The following ONECUT2 variants were observed in gnomAD, a reference collection of about 807,000 sequenced individuals.
ONECUT2 encodes the protein one cut domain family member 2.
In ONECUT2, 10 loss-of-function variants were observed where a neutral mutation model predicts 27.9. The observed-to-expected ratio is 0.36, with a 90% CI of 0.22 to 0.61. The LOEUF (loss-of-function observed/expected upper bound fraction) is 0.61. Among genes scored for constraint, ONECUT2 ranks in the 20% least tolerant of loss-of-function variants. The probability of loss-of-function intolerance (pLI) is 0.73; values close to 1 mark genes in which losing one functional copy is unlikely to be tolerated. For synonymous variants in ONECUT2, 334 were observed against 315.1 expected (o/e 1.06, Z -0.64); for missense variants, 686 against 721.0 (o/e 0.95, Z 0.56).
intron 1 of ONECUT2, among the ~76,000 whole-genome samples, chr18:57,446,512 C>A (rs370287525): frequency 6.6e-6 from 1 of 152,044 alleles, no homozygotes; most frequent in African/African-American, 2.4e-5. Context: ...GGGCTTCCAC[C>A]GCCAGCAGGT....
intron 1 of ONECUT2, among the ~76,000 whole-genome samples, chr18:57,450,372 C>T (rs2050223444): frequency 1.3e-5 from 2 of 152,126 alleles, no homozygotes; most frequent in Non-Finnish European, 2.9e-5. Flanking sequence ...TGGGGTTTCA[C>T]CATGCTGGCC....
intron 1 of ONECUT2, among the ~76,000 whole-genome samples, chr18:57,468,690 C>G (rs1430408745): frequency 6.6e-6 from 1 of 152,182 alleles, no homozygotes; most frequent in East Asian, 1.9e-4. Context: ...AGGCCCCCTG[C>G]TCCCAGGGTC....
chr18:57,438,066 G>C (rs2050153190), intron 1 of ONECUT2, among the ~76,000 whole-genome samples: 1 of 152,226 alleles, frequency 6.6e-6, no homozygotes. Flanking sequence ...ATTGTTCTAG[G>C]AGCACAGAAA....
intron 1 of ONECUT2, among the ~76,000 whole-genome samples, chr18:57,448,790 A>G (rs1368344831): frequency 2.0e-5 from 3 of 152,232 alleles, no homozygotes; most frequent in Non-Finnish European, 4.4e-5. Flanking sequence ...TTGAAAAGAT[A>G]TTTTACAGAA....
At chr18:57,475,637 T>A (rs1362346461) in intron 1 of ONECUT2, among the ~76,000 whole-genome samples, 2 of 152,166 alleles carry the variant, frequency 1.3e-5, no homozygotes, top group African/African-American at 4.8e-5. Flanking sequence ...CTTGACTGCA[T>A]ATGTCAGCCC....
At chr18:57,476,401 C>A (rs760445073) in intron 1 of ONECUT2, 36 bp from the exon 2 acceptor site, 1 of 1,602,110 alleles carries the variant, frequency 6.2e-7, no homozygotes, top group Non-Finnish European at 8.5e-7. Flanking sequence ...TCAGGTGAGC[C>A]CACTGACTCC....
chr18:57,438,396 G>T (rs373373715), intron 1 of ONECUT2, among the ~76,000 whole-genome samples: 4 of 152,218 alleles, frequency 2.6e-5, no homozygotes, highest in African/African-American at 9.6e-5. Flanking sequence ...GTCTTGGGAT[G>T]CGCGCGGTTC....
At chr18:57,450,167 T>A (rs1159942599) in intron 1 of ONECUT2, among the ~76,000 whole-genome samples, 1 of 151,960 alleles carries the variant, frequency 6.6e-6, no homozygotes, top group African/African-American at 2.4e-5. Context: ...CAAAAGGGGG[T>A]ATTCTTTTCT....
chr18:57,447,591 T>C (rs2050207750), intron 1 of ONECUT2, among the ~76,000 whole-genome samples: 1 of 152,130 alleles, frequency 6.6e-6, no homozygotes, highest in Non-Finnish European at 1.5e-5. Flanking sequence ...TTTTTCTCCA[T>C]GTTGCTGCCT....
intron 1 of ONECUT2, among the ~76,000 whole-genome samples, chr18:57,439,447 G>C (rs1048330332): frequency 6.6e-6 from 1 of 152,244 alleles, no homozygotes; most frequent in Non-Finnish European, 1.5e-5. Flanking sequence ...AGGGACAAGA[G>C]CTTTAGCCTT....
At chr18:57,467,367 TG>T in intron 1 of ONECUT2, 2 of 314,928 alleles carry the variant, frequency 6.4e-6, no homozygotes, top group Admixed American at 4.1e-5. Flanking sequence ...TTTGTTTGTT[TG>T]TTTGTTTTTT....
rs1329492395 is a variant in ONECUT2 at position 57,477,654 on chromosome 18, C to G, written c.*931C>G. On this transcript the variant is annotated 3_prime_UTR_variant, in exon 2 of 2. Transcript: ENST00000491143. ...GTTGTACATAATGCAGACGCACACT[C>G]AGGAGGCCAATTTAACTGTTAACAG... is the stretch of plus-strand genomic sequence containing the variant. 1.3e-5 allele frequency: 2 copies of G among 152,644 alleles called. No homozygotes were observed. Among genetic ancestry groups the G allele is most frequent in the African/African-American group, 4.8e-5 (2 of 41,454 alleles). 9.5% of individuals were successfully genotyped at this position (152,644 alleles called of 1,614,324 possible). A position where few individuals can be genotyped will look rare whatever the true frequency, so the allele number is the denominator to read the frequency against.
intron 1 of ONECUT2, among the ~76,000 whole-genome samples, chr18:57,469,953 C>T (rs2050344277): frequency 6.6e-6 from 1 of 152,214 alleles, no homozygotes; most frequent in Admixed American, 6.5e-5. Flanking sequence ...GAGCTTCTTA[C>T]AGTACATTTG....
At chr18:57,465,351 A>T (rs1293573964) in intron 1 of ONECUT2, among the ~76,000 whole-genome samples, 38 of 152,138 alleles carry the variant, frequency 2.5e-4, no homozygotes, top group Admixed American at 2.5e-3. Context: ...TTTTGTAGAG[A>T]CAGGGTTTCG....
At chr18:57,444,785 A>G (rs2050192652) in intron 1 of ONECUT2, among the ~76,000 whole-genome samples, 1 of 151,986 alleles carries the variant, frequency 6.6e-6, no homozygotes, top group Non-Finnish European at 1.5e-5. Context: ...CAATAGATTT[A>G]CCCTTCGTGC....
At position 57,491,276 on chromosome 18, in the gene ONECUT2, A is replaced by T. The variant is rs1387718404; in HGVS notation, c.*14553A>T. 5 of 152,680 alleles carry T rather than the reference A, an allele frequency of 3.3e-5. No individual in the cohort carries two copies. Among genetic ancestry groups the T allele is most frequent in the Non-Finnish European group, 7.3e-5 (5 of 68,046 alleles). The allele number at this position is 152,680 out of a possible 1,614,324, so 9.5% of individuals were successfully genotyped here. A position where few individuals can be genotyped will look rare whatever the true frequency, so the allele number is the denominator to read the frequency against. ...GCTGTAAATTCTGCAATTAATGTTAAATAAACTGCTTTAATTCATTGACCA... is the reference window on the plus strand; with the variant it reads ...GCTGTAAATTCTGCAATTAATGTTATATAAACTGCTTTAATTCATTGACCA... On this transcript the variant is annotated 3_prime_UTR_variant, in exon 2 of 2. Coordinates refer to ENST00000491143, the MANE Select transcript of ONECUT2 (RefSeq NM_004852.3).
chr18:57,479,758 G>A lies in ONECUT2; in HGVS notation c.*3035G>A, dbSNP rs533152810. On this transcript the variant is annotated 3_prime_UTR_variant, in exon 2 of 2. Transcript: ENST00000491143. Reference sequence around the variant, plus strand: ...TCTTCTGTAACTGTTGGGAAGGCTCGGTGGTCCATTTTCACCAGTTAAAGA... The same window carrying A: ...TCTTCTGTAACTGTTGGGAAGGCTCAGTGGTCCATTTTCACCAGTTAAAGA... 16 of 152,528 alleles carry A rather than the reference G, an allele frequency of 1.0e-4. No individual in the cohort carries two copies. The highest frequency in any genetic ancestry group is 6.5e-4 in the Admixed American group (10 of 15,282). 9.4% of individuals were successfully genotyped at this position (152,528 alleles called of 1,614,324 possible).
In ONECUT2 at chr18:57,490,624, G is replaced by C. The variant is rs1413273335; in HGVS notation, c.*13901G>C. 1 of 152,088 alleles carries C rather than the reference G, an allele frequency of 6.6e-6. No individual in the cohort carries two copies. The highest frequency in any genetic ancestry group is 1.5e-5 in the Non-Finnish European group (1 of 68,016). 9.4% of individuals were successfully genotyped at this position (152,088 alleles called of 1,614,324 possible). A position where few individuals can be genotyped will look rare whatever the true frequency, so the allele number is the denominator to read the frequency against. ...ACCGTACTCTGCCACCTGCCTTCCA[G>C]GTAGCTATTCTAGAAACTCAGTCCT... On this transcript the variant is annotated 3_prime_UTR_variant, in exon 2 of 2. Coordinates refer to ENST00000491143, the MANE Select transcript of ONECUT2 (RefSeq NM_004852.3).
intron 1 of ONECUT2, among the ~76,000 whole-genome samples, chr18:57,450,243 G>A (rs1265216775): frequency 2.6e-5 from 4 of 152,110 alleles, no homozygotes; most frequent in Middle Eastern, 3.4e-3. Context: ...GTGCGATCTC[G>A]GCTAACTGCA....
Sources: gnomAD v4.1 joint callset for allele counts (sites outside exome capture counted in the v4.1 genomes callset) on GRCh38, gnomAD v4.1.1 for gene constraint, MANE v1.5 for transcripts, NCBI Gene and HGNC (gene_info 2026-07-23, HGNC 2026-07-21) for gene names.